The following DST variants were observed in gnomAD, a reference collection of about 807,000 sequenced individuals.
DST encodes the protein bullous pemphigoid antigen.
In DST, 253 loss-of-function variants were observed where a neutral mutation model predicts 875.2. The observed-to-expected ratio is 0.29, with a 90% CI of 0.26 to 0.32. The LOEUF (loss-of-function observed/expected upper bound fraction) is 0.32. Among genes scored for constraint, DST ranks in the 10% least tolerant of loss-of-function variants. The probability of loss-of-function intolerance (pLI) is 1.00; values close to 1 mark genes in which losing one functional copy is unlikely to be tolerated. For missense variants in DST, 8,287 were observed against 9,111.6 expected, an observed-to-expected ratio of 0.91 and a Z score of 3.68; for synonymous variants, 3,124 against 3,197.1, an observed-to-expected ratio of 0.98 and a Z score of 0.77.
chr6:56,643,052 G>C, intron 15 of DST: 7 of 623,206 alleles, frequency 1.1e-5, no homozygotes, highest in South Asian at 8.7e-5. Flanking sequence ...CTACAAGTAT[G>C]AACAAAGCAG....
intron 13 of DST, among the ~76,000 whole-genome samples, chr6:56,647,688 GT>G (rs111620249): frequency 0.075 from 9,513 of 126,750 alleles, 865 homozygotes; most frequent in African/African-American, 0.27. Flanking sequence ...TTTTTGTAAT[GT>G]TTTTTTTTTT....
At chr6:56,833,154 G>C (rs1335591918) in intron 4 of DST, among the ~76,000 whole-genome samples, 1 of 152,142 alleles carries the variant, frequency 6.6e-6, no homozygotes, top group Non-Finnish European at 1.5e-5. Context: ...GCAGTCAATA[G>C]TGTTCCAGAA....
At chr6:56,883,298 T>C (rs927257115) in intron 3 of DST, among the ~76,000 whole-genome samples, 2 of 152,244 alleles carry the variant, frequency 1.3e-5, no homozygotes, top group Non-Finnish European at 2.9e-5. Context: ...AGAATATGCC[T>C]ATATAATTCC....
At chr6:56,716,991 C>T (rs561049573) in intron 5 of DST, among the ~76,000 whole-genome samples, 89 of 152,172 alleles carry the variant, frequency 5.8e-4, no homozygotes, top group Non-Finnish European at 9.6e-4. Flanking sequence ...ACCATCCTGG[C>T]TAACACGGTG....
At chr6:56,562,937 C>T (rs1410445096) in intron 55 of DST, among the ~76,000 whole-genome samples, 1 of 152,116 alleles carries the variant, frequency 6.6e-6, no homozygotes, top group Non-Finnish European at 1.5e-5. Context: ...TTTATGGCTG[C>T]ATAGTATTCC....
chr6:56,751,526 T>C (rs1400859593), intron 4 of DST, among the ~76,000 whole-genome samples: 1 of 152,242 alleles, frequency 6.6e-6, no homozygotes, highest in Admixed American at 6.5e-5. Context: ...CAATACTTTT[T>C]AAAATGTGTG....
At chr6:56,654,991 T>C (rs1226895589) in intron 10 of DST, among the ~76,000 whole-genome samples, 1 of 151,776 alleles carries the variant, frequency 6.6e-6, no homozygotes, top group Non-Finnish European at 1.5e-5. Flanking sequence ...TGAAACCCTG[T>C]CTCCACTAAA....
intron 4 of DST, among the ~76,000 whole-genome samples, chr6:56,832,798 G>A (rs997153347): frequency 6.6e-6 from 1 of 152,120 alleles, no homozygotes; most frequent in Non-Finnish European, 1.5e-5. Flanking sequence ...GGAGTGCAAT[G>A]GCATGATCTC....
At chr6:56,479,551 T>TA (rs879775109) in intron 90 of DST, among the ~76,000 whole-genome samples, 14 of 150,914 alleles carry the variant, frequency 9.3e-5, no homozygotes, top group South Asian at 6.3e-4. Context: ...TTGATTGGAT[T>TA]AAAAAAAAAT....
intron 48 of DST, 129 bp downstream of exon 48, chr6:56,593,533 AT>A: frequency 6.5e-6 from 4 of 611,428 alleles, no homozygotes; most frequent in East Asian, 3.3e-5. Flanking sequence ...AAAAAAAAAA[AT>A]AGAAGTAGGC....
chr6:56,582,017 A>T (rs568780677), intron 49 of DST, among the ~76,000 whole-genome samples: 1 of 152,182 alleles, frequency 6.6e-6, no homozygotes, highest in Admixed American at 6.5e-5. Context: ...CAACAATTTT[A>T]CCTGCTTAAT....
In DST at chr6:56,552,227, C is replaced by T. The variant is rs779572010; in HGVS notation, c.16565G>A (p.Gly5522Asp). The change falls in exon 61 of 104, where the codon GGT becomes GAT. Residue 5522 changes from glycine (G) to aspartate (D), a missense_variant. This residue lies in a region of DST where 777 missense variants were observed against 764.8 expected (regional missense o/e 1.02). Coordinates refer to ENST00000680361, the MANE Select transcript of DST (RefSeq NM_001374736.1). ...CTGATTAATTGTCTCCGTTTCCATA[C>T]CAACAGGACCTTGTGACTCTTCATG... is the stretch of plus-strand genomic sequence containing the variant. ...EEHEESQGPV[G>D]METETINQQL... is the part of the protein sequence containing the mutation. The T allele has an allele frequency of 3.1e-6, 5 of 1,613,324 alleles. No individual in the cohort carries two copies. The highest frequency in any genetic ancestry group is 4.2e-6 in the Non-Finnish European group (5 of 1,179,714).
chr6:56,857,663 T>A (rs1298845033), intron 3 of DST, among the ~76,000 whole-genome samples: 3 of 152,130 alleles, frequency 2.0e-5, no homozygotes, highest in Non-Finnish European at 4.4e-5. Flanking sequence ...AACAGAAAAT[T>A]TTTTCTCCAA....
chr6:56,657,574 G>A (rs765095562), intron 10 of DST, among the ~76,000 whole-genome samples: 2 of 152,108 alleles, frequency 1.3e-5, no homozygotes, highest in African/African-American at 4.8e-5. Flanking sequence ...GTCAACGGGT[G>A]GGGGGAGAGA....
chr6:56,493,185 C>G (rs1228096918), intron 83 of DST, 96 bp from the exon 84 acceptor site: 2 of 1,105,936 alleles, frequency 1.8e-6, no homozygotes, highest in African/African-American at 1.6e-5. Flanking sequence ...CTTTCCTATC[C>G]CCACTTTATT....
intron 2 of DST, among the ~76,000 whole-genome samples, chr6:56,926,311 G>A (rs1017347351): frequency 1.3e-5 from 2 of 152,130 alleles, no homozygotes; most frequent in Non-Finnish European, 2.9e-5. Flanking sequence ...ATACAGCAGT[G>A]AGCTAAGCAT....
In DST at chr6:56,470,274, T is replaced by C. The variant is rs776276863; in HGVS notation, c.22330A>G (p.Thr7444Ala). 3 of 1,598,744 alleles carry C rather than the reference T, an allele frequency of 1.9e-6. No individual in the cohort carries two copies. The highest frequency in any genetic ancestry group is 3.4e-5 in the Admixed American group (2 of 58,084). Residue 7444 changes from threonine to alanine, a missense_variant, in exon 96 of 104, where the codon ACC becomes GCC. Thr to Ala is a moderately conservative substitution (Grantham distance 58). Coordinates refer to ENST00000680361, the MANE Select transcript of DST (RefSeq NM_001374736.1). ...ACTGCGCTCATCTCCAAGCGACTGG[T>C]TGGAAACTCTAAAATTTTGAAAACA... ...IDGILSSKFPTSRLEMSAVAD... is the reference protein window; with the variant it reads ...IDGILSSKFPASRLEMSAVAD...
At chr6:56,799,923 C>A (rs2099744804) in intron 4 of DST, among the ~76,000 whole-genome samples, 1 of 152,100 alleles carries the variant, frequency 6.6e-6, no homozygotes, top group Non-Finnish European at 1.5e-5. Flanking sequence ...CCACGTCCAG[C>A]CAATACAATC....
Position 56,786,676 on chromosome 6 carries a change from G to A in DST, c.626-51387C>T, listed in dbSNP as rs562365645. ...GCCTCCCAAGTAGCTGGGATTATAG[G>A]CACCCGCCACCACACCCAGCTAATT... On this transcript the variant is annotated intron_variant, in intron 4 of 103. Coordinates refer to ENST00000680361, the MANE Select transcript of DST (RefSeq NM_001374736.1). Among the ~76,000 whole-genome samples, 12 of 152,248 alleles carry A rather than the reference G, an allele frequency of 7.9e-5. 1 individual carries two copies. In the East Asian group the frequency reaches 2.3e-3, roughly 29 times the overall value.
Sources: allele counts gnomAD v4.1 joint callset (sites outside exome capture counted in the v4.1 genomes callset), GRCh38; gene constraint gnomAD v4.1.1; regional missense constraint gnomAD v4.1.1; transcripts MANE v1.5; gene names NCBI Gene and HGNC (gene_info 2026-07-23, HGNC 2026-07-21).